Variants in BCL11A observed in about 807,000 individuals in gnomAD.
BCL11A encodes the protein BCL11 transcription factor A, also known as B cell CLL/lymphoma 11A.
Under a neutral mutation model 55.9 loss-of-function variants are expected in BCL11A, and 2 were observed. The observed-to-expected ratio is 0.04, with a 90% confidence interval of 0.01 to 0.11. The LOEUF (loss-of-function observed/expected upper bound fraction) is 0.11. Ranked by LOEUF, BCL11A falls within the 10% of genes least tolerant of loss-of-function variation. The probability of loss-of-function intolerance (pLI) is 1.00; values close to 1 mark genes in which losing one functional copy is unlikely to be tolerated. For missense variants in BCL11A, 817 were observed against 1,137.1 expected (o/e 0.72, Z 4.05); for synonymous variants, 465 against 473.4 (o/e 0.98, Z 0.23).
rs1045494739 is a variant in BCL11A at position 60,546,929 on chromosome 2, C to T, written c.56-629G>A. ...AAAACGACTGCATGCACCTATGAAA[C>T]GGATCTAAATAATAATCATGTCGCA... On this transcript the variant is annotated intron_variant, in intron 1 of 3. Coordinates refer to ENST00000642384, the MANE Select transcript of BCL11A (RefSeq NM_022893.4). This position sits in a 1 kb window ranked among gnomAD's most constrained non-coding sequence, Gnocchi z 4.1. Among the ~76,000 whole-genome samples the T allele has an allele frequency of 3.9e-5, 6 of 152,164 alleles. No individual in the cohort carries two copies. The highest frequency in any genetic ancestry group is 6.5e-5 in the Admixed American group (1 of 15,284).
chr2:60,507,601 C>A (rs1679720479), intron 2 of BCL11A, among the ~76,000 whole-genome samples: 1 of 152,140 alleles, frequency 6.6e-6, no homozygotes, highest in South Asian at 2.1e-4. Context: ...GTTTCAACAG[C>A]TCACTGCATA....
intron 2 of BCL11A, among the ~76,000 whole-genome samples, chr2:60,539,361 AC>A (rs45612539): frequency 4.0e-4 from 61 of 152,118 alleles, no homozygotes; most frequent in Admixed American, 6.5e-4. Context: ...TGACCTCACC[AC>A]CCCCCATGCC....
In BCL11A at chr2:60,458,467, C is replaced by CA; in HGVS notation, c.*1936dup. ...CATTTATATTTAAAAAAGTTTTGTACAAAAAAATCCTTGCACTGTAGAAGC... is the reference window on the plus strand; with the variant it reads ...CATTTATATTTAAAAAAGTTTTGTACAAAAAAAATCCTTGCACTGTAGAAGC... On this transcript the variant is annotated 3_prime_UTR_variant, in exon 4 of 4. Transcript: ENST00000642384. The CA allele has an allele frequency of 3.9e-6, 4 of 1,026,440 alleles. No homozygotes were observed. The highest frequency in any genetic ancestry group is 6.3e-5 in the East Asian group (1 of 16,000). 63.6% of individuals were successfully genotyped at this position (1,026,440 alleles called of 1,614,324 possible).
At chr2:60,518,217 T>A (rs187024090) in intron 2 of BCL11A, among the ~76,000 whole-genome samples, 235 of 152,314 alleles carry the variant, frequency 1.5e-3, no homozygotes, top group African/African-American at 4.8e-3. Context: ...TTTTTATCTA[T>A]CAAACCTAGA....
chr2:60,545,735 T>G, intron 2 of BCL11A: 1 of 509,494 alleles, frequency 2.0e-6, no homozygotes. Context: ...AGAGAGAAGG[T>G]GTCTGATGTG....
chr2:60,527,103 C>T (rs189586923), intron 2 of BCL11A: 4 of 152,290 alleles, frequency 2.6e-5, no homozygotes, highest in Admixed American at 2.6e-4. Flanking sequence ...GGCACTTGGC[C>T]TGAAGGGTCA....
chr2:60,508,031 G>A (rs1385090075), intron 2 of BCL11A, among the ~76,000 whole-genome samples: 1 of 152,098 alleles, frequency 6.6e-6, no homozygotes, highest in Admixed American at 6.5e-5. Flanking sequence ...TGCCCTAACT[G>A]AGCACGACAG....
downstream of BCL11A, among the ~76,000 whole-genome samples, chr2:60,456,021 G>T (rs1319510778): frequency 6.6e-6 from 1 of 152,064 alleles, no homozygotes; most frequent in Admixed American, 6.5e-5. Context: ...TTTCTCAGTG[G>T]ATTCCTCTAG....
Position 60,492,339 on chromosome 2 carries a change from C to G in BCL11A, c.386-23506G>C, listed in dbSNP as rs1023253302. Among the ~76,000 whole-genome samples, 17 of 152,122 alleles carry G rather than the reference C, an allele frequency of 1.1e-4. 1 individual carries two copies. The highest frequency in any genetic ancestry group is 3.3e-4 in the Admixed American group (5 of 15,278). On this transcript the variant is annotated intron_variant, in intron 2 of 3. Transcript: ENST00000642384. ...CTATGAACATGCCACTACACTCTAG[C>G]CTAGGCAACACAGCGAGACCCTGTC...
downstream of BCL11A, among the ~76,000 whole-genome samples, chr2:60,453,361 G>C (rs1675804675): frequency 1.3e-5 from 2 of 152,244 alleles, no homozygotes; most frequent in Non-Finnish European, 2.9e-5. Context: ...ACATTGACTT[G>C]AAGCAGCAGA....
chr2:60,470,999 T>G (rs1345637086), intron 2 of BCL11A, among the ~76,000 whole-genome samples: 1 of 152,204 alleles, frequency 6.6e-6, no homozygotes, highest in Non-Finnish European at 1.5e-5. Context: ...CCTGGGAATT[T>G]GTCTCTTCCC....
At chr2:60,474,574 T>C (rs1196172865) in intron 2 of BCL11A, among the ~76,000 whole-genome samples, 1 of 152,264 alleles carries the variant, frequency 6.6e-6, no homozygotes, top group Non-Finnish European at 1.5e-5. Flanking sequence ...TTTAAGCTTT[T>C]GCCTTAGAAT....
rs1324473866 is a variant in BCL11A, at chr2:60,458,514, T to C, written c.*1890A>G. The C allele has an allele frequency of 4.5e-5, 47 of 1,034,524 alleles. No homozygotes were observed. Among genetic ancestry groups the C allele is most frequent in the Non-Finnish European group, 5.5e-5 (47 of 859,242 alleles). The allele number at this position is 1,034,524 out of a possible 1,614,324, so 64.1% of individuals were successfully genotyped here. On this transcript the variant is annotated 3_prime_UTR_variant, in exon 4 of 4. Transcript: ENST00000642384. Reference sequence around the variant, plus strand: ...AAGCGAAAGCAATCATTCATTTCTATGTTAAGTGTATTCTGTTTCCATTCA... The same window carrying C: ...AAGCGAAAGCAATCATTCATTTCTACGTTAAGTGTATTCTGTTTCCATTCA...
exon 5 of BCL11A, chr2:60,451,836 A>C (rs1322317776): frequency 8.7e-6 from 2 of 229,928 alleles, no homozygotes; most frequent in South Asian, 3.6e-4. Context: ...CATATTATGC[A>C]TTATTTAATG....
At chr2:60,499,288 G>A (rs1010387361) in intron 2 of BCL11A, among the ~76,000 whole-genome samples, 3 of 151,906 alleles carry the variant, frequency 2.0e-5, no homozygotes, top group African/African-American at 4.8e-5. Context: ...GGGGTGTGAC[G>A]CCCCTGCCCA....
chr2:60,512,024 G>A (rs751818733), intron 2 of BCL11A, among the ~76,000 whole-genome samples: 13 of 152,208 alleles, frequency 8.5e-5, no homozygotes, highest in African/African-American at 2.7e-4. Context: ...ACATAGTAAC[G>A]CTTCCCAGGA....
intron 1 of BCL11A, chr2:60,550,827 T>C: frequency 2.5e-6 from 1 of 398,854 alleles, no homozygotes; most frequent in Non-Finnish European, 4.4e-6. Flanking sequence ...GGCCTGACTT[T>C]CCCGAGTCCT....
chr2:60,477,290 G>T (rs186382071), intron 2 of BCL11A, among the ~76,000 whole-genome samples: 62 of 152,322 alleles, frequency 4.1e-4, no homozygotes, highest in African/African-American at 1.4e-3. Flanking sequence ...AGAAGGGCTT[G>T]TCTATCAAAG....
At chr2:60,451,655 T>G (rs183633405) in exon 5 of BCL11A, 133 of 230,756 alleles carry the variant, frequency 5.8e-4, no homozygotes, top group African/African-American at 2.6e-3. Flanking sequence ...TCCTGAAGGT[T>G]TGGGAACCTA....
Sources: gnomAD v4.1 joint callset for allele counts (sites outside exome capture counted in the v4.1 genomes callset) on GRCh38, gnomAD v4.1.1 for gene constraint, Gnocchi (gnomAD v3.1) non-coding constraint, MANE v1.5 for transcripts, NCBI Gene and HGNC (gene_info 2026-07-23, HGNC 2026-07-21) for gene names.